The following TANC2 variants were observed in gnomAD, a reference collection of about 807,000 sequenced individuals.
TANC2 encodes the protein protein TANC2.
Under a neutral mutation model 210.5 loss-of-function variants are expected in TANC2, and 26 were observed. The ratio of observed to expected loss-of-function variants is 0.12; its 90% CI spans 0.09 to 0.17. The LOEUF is 0.17. Ranked by LOEUF, TANC2 falls within the 10% of genes least tolerant of loss-of-function variation. The pLI is 1.00. For missense variants in TANC2, 2,129 were observed against 2,608.9 expected (o/e 0.82, Z 4.01); for synonymous variants, 931 against 967.1 (o/e 0.96, Z 0.69).
chr17:63,156,381 TAAAA>T (rs2039837881), intron 5 of TANC2, among the ~76,000 whole-genome samples: 1 of 135,726 alleles, frequency 7.4e-6, no homozygotes, highest in Non-Finnish European at 1.6e-5. Context: ...TTGCACCAAA[TAAAA>T]AGAAAGAAGA....
intron 9 of TANC2, among the ~76,000 whole-genome samples, chr17:63,278,329 T>G (rs1304740389): frequency 6.6e-6 from 1 of 152,104 alleles, no homozygotes; most frequent in Non-Finnish European, 1.5e-5. Flanking sequence ...ACATAGACAT[T>G]TCTTCAAAGA....
chr17:63,002,167 A>G (rs1360855493), intron 1 of TANC2, among the ~76,000 whole-genome samples: 1 of 152,116 alleles, frequency 6.6e-6, no homozygotes, highest in Non-Finnish European at 1.5e-5. Context: ...GGAATTAAGG[A>G]AGCTGGTCTT....
intron 5 of TANC2, among the ~76,000 whole-genome samples, chr17:63,164,956 C>G (rs2040161392): frequency 6.6e-6 from 1 of 152,152 alleles, no homozygotes; most frequent in Admixed American, 6.5e-5. Flanking sequence ...TCTCTTAGCC[C>G]AGTCAGGTTG....
chr17:63,324,925 C>T (rs1372502639), intron 11 of TANC2, among the ~76,000 whole-genome samples: 3 of 152,000 alleles, frequency 2.0e-5, no homozygotes, highest in African/African-American at 4.8e-5. Flanking sequence ...TTTTTTGCTA[C>T]TTAAAGCCAT....
chr17:63,110,206 G>A (rs898172297), intron 4 of TANC2, among the ~76,000 whole-genome samples: 3 of 151,588 alleles, frequency 2.0e-5, no homozygotes, highest in South Asian at 2.1e-4. Context: ...GTTCCTGCAT[G>A]GCTTTACAGA....
chr17:63,053,312 C>A (rs1012195208), intron 2 of TANC2, among the ~76,000 whole-genome samples: 4 of 152,248 alleles, frequency 2.6e-5, no homozygotes, highest in Non-Finnish European at 5.9e-5. Flanking sequence ...ACCCCTGCCA[C>A]TCCACAGAGA....
intron 14 of TANC2, among the ~76,000 whole-genome samples, chr17:63,365,264 G>A (rs888955684): frequency 6.7e-6 from 1 of 149,182 alleles, no homozygotes; most frequent in Non-Finnish European, 1.5e-5. Context: ...CACTAATAGC[G>A]TTCCATCCTG....
chr17:63,358,376 A>AGTGTGTGTGTGTGT (rs1555641221), intron 14 of TANC2, among the ~76,000 whole-genome samples: 28 of 81,044 alleles, frequency 3.5e-4, no homozygotes, highest in African/African-American at 5.9e-4. Context: ...AGAGAGAGAG[A>AGTGTGTGTGTGTGT]GTATGTGTGT....
Position 63,420,389 on chromosome 17 carries a change from G to C in TANC2, c.4659G>C (p.Arg1553=). The change falls in exon 28 of 28, where the codon CGG becomes CGC. Residue 1553 remains arginine, a synonymous_variant. Transcript: ENST00000689528. The surrounding 1 kb of genome is among the most constrained non-coding windows in gnomAD (Gnocchi z 4.2). ...GCTCTCATCAGGTTTTTGACTTCCG[G>C]TCCAGTAGTTCTGTAGGCTCTCCCA... 1 of 1,613,828 alleles carries C rather than the reference G, an allele frequency of 6.2e-7. No homozygotes were observed. Among genetic ancestry groups the C allele is most frequent in the South Asian group, 1.1e-5 (1 of 91,072 alleles).
chr17:63,005,424 A>G (rs1029193959), intron 1 of TANC2, among the ~76,000 whole-genome samples: 9 of 151,786 alleles, frequency 5.9e-5, no homozygotes, highest in Non-Finnish European at 1.3e-4. Context: ...TGGTGTTTTC[A>G]TTTCCTTGCA....
At chr17:63,013,841 G>A (rs1055030189) in intron 2 of TANC2, among the ~76,000 whole-genome samples, 1 of 149,598 alleles carries the variant, frequency 6.7e-6, no homozygotes, top group Non-Finnish European at 1.5e-5. Context: ...TTGACTCTGC[G>A]GCATGATGTC....
chr17:63,398,078 T>A (rs757000600), intron 18 of TANC2, among the ~76,000 whole-genome samples: 5 of 152,190 alleles, frequency 3.3e-5, no homozygotes, highest in Admixed American at 6.5e-5. Context: ...GTTTAGAGAT[T>A]TTTCTCCCTT....
At chr17:63,085,095 G>C (rs1009035738) in intron 3 of TANC2, among the ~76,000 whole-genome samples, 7 of 152,086 alleles carry the variant, frequency 4.6e-5, no homozygotes, top group Admixed American at 4.6e-4. Context: ...AAGTGTAATA[G>C]TATATTCCTC....
intron 1 of TANC2, among the ~76,000 whole-genome samples, chr17:62,999,586 T>C (rs1741802095): frequency 6.6e-6 from 1 of 152,124 alleles, no homozygotes; most frequent in South Asian, 2.1e-4. Flanking sequence ...AACACAAATT[T>C]GTAAGCTTTC....
chr17:63,040,573 T>G (rs1422732270), intron 2 of TANC2, among the ~76,000 whole-genome samples: 1 of 152,126 alleles, frequency 6.6e-6, no homozygotes, highest in African/African-American at 2.4e-5. Context: ...CTGTGCTGAT[T>G]TGTAACCATC....
intron 1 of TANC2, among the ~76,000 whole-genome samples, chr17:62,997,558 T>G (rs917997972): frequency 2.0e-5 from 3 of 152,158 alleles, no homozygotes; most frequent in African/African-American, 4.8e-5. Flanking sequence ...GTGGAGAAAA[T>G]CATAAAAGGA....
chr17:63,056,734 A>G (rs1374481464), intron 2 of TANC2, among the ~76,000 whole-genome samples: 5 of 152,136 alleles, frequency 3.3e-5, no homozygotes, highest in Non-Finnish European at 7.4e-5. Context: ...AAAATTGGTG[A>G]CTTTTTTTGT....
intron 5 of TANC2, among the ~76,000 whole-genome samples, chr17:63,173,751 TAA>T (rs1199113962): frequency 6.6e-6 from 1 of 152,208 alleles, no homozygotes; most frequent in African/African-American, 2.4e-5. Flanking sequence ...CCTTTTCACA[TAA>T]TTACACTGTT....
intron 1 of TANC2, among the ~76,000 whole-genome samples, chr17:62,989,265 A>G (rs1356483158): frequency 6.6e-6 from 1 of 152,254 alleles, no homozygotes; most frequent in African/African-American, 2.4e-5. Context: ...CAGATAGAAG[A>G]TCAGAAGACA....
Sources: gnomAD v4.1 joint callset for allele counts (sites outside exome capture counted in the v4.1 genomes callset) on GRCh38, gnomAD v4.1.1 for gene constraint, Gnocchi (gnomAD v3.1) non-coding constraint, MANE v1.5 for transcripts, NCBI Gene and HGNC (gene_info 2026-07-23, HGNC 2026-07-21) for gene names.